MACROH2A1: variants seen among roughly 807,000 people sequenced by gnomAD.
MACROH2A1 encodes core histone macro-H2A.1.
In MACROH2A1, 2 loss-of-function variants were observed where a neutral mutation model predicts 31.6. That is an observed-to-expected ratio of 0.06 (90% confidence interval 0.03 to 0.20). The LOEUF (loss-of-function observed/expected upper bound fraction) is 0.20, where lower values mean the gene tolerates loss of function less well. Ranked by LOEUF, MACROH2A1 falls within the 10% of genes least tolerant of loss-of-function variation. The pLI is 1.00. For missense variants in MACROH2A1, 230 were observed against 474.0 expected, an observed-to-expected ratio of 0.49 and a Z score of 4.78; for synonymous variants, 169 against 189.6, an observed-to-expected ratio of 0.89 and a Z score of 0.89.
Position 135,337,853 on chromosome 5 carries a change from G to A in MACROH2A1, c.954-2712C>T, listed in dbSNP as rs571748906. On this transcript the variant is annotated intron_variant, in intron 8 of 8. Coordinates refer to ENST00000511689, the MANE Select transcript of MACROH2A1 (RefSeq NM_138610.3). ...GTCCCTGGCCTTGCAAGCATTTCAG[G>A]GTTGTTGGTGGGTGAACATGAATCT... 1.2e-4 allele frequency: 85 copies of A among 728,386 alleles called. No homozygotes were observed. The South Asian group carries it at 1.8e-3, about 15-fold the overall frequency. 45.1% of individuals were successfully genotyped at this position (728,386 alleles called of 1,614,324 possible).
chr5:135,359,382 A>G, intron 5 of MACROH2A1: 15 of 984,820 alleles, frequency 1.5e-5, no homozygotes, highest in South Asian at 4.7e-5. Flanking sequence ...TTAAAGGAAC[A>G]AAAAATATTT....
chr5:135,379,904 CTTT>C (rs939112856), intron 2 of MACROH2A1, among the ~76,000 whole-genome samples: 1 of 152,004 alleles, frequency 6.6e-6, no homozygotes, highest in Middle Eastern at 3.4e-3. Flanking sequence ...TCCTCTGTGG[CTTT>C]TTTTTGGCAG....
intron 8 of MACROH2A1, among the ~76,000 whole-genome samples, chr5:135,340,458 C>G (rs1269590884): frequency 1.3e-5 from 2 of 152,136 alleles, no homozygotes; most frequent in Admixed American, 1.3e-4. Flanking sequence ...TATGTACTAC[C>G]CCTCTGGAGA....
chr5:135,342,311 GGATT>G (rs538960998), intron 8 of MACROH2A1, among the ~76,000 whole-genome samples: 74 of 152,298 alleles, frequency 4.9e-4, no homozygotes, highest in African/African-American at 1.7e-3. Context: ...CTGCATGGGG[GGATT>G]ATTATGCCAA....
intron 8 of MACROH2A1, chr5:135,337,901 T>A: frequency 9.4e-7 from 1 of 1,060,962 alleles, no homozygotes; most frequent in Non-Finnish European, 1.2e-6. Context: ...AGGACAACCC[T>A]TTGTTGACAA....
chr5:135,337,422 A>G (rs1334473156), intron 8 of MACROH2A1, among the ~76,000 whole-genome samples: 1 of 152,258 alleles, frequency 6.6e-6, no homozygotes, highest in Non-Finnish European at 1.5e-5. Context: ...GGAACACACC[A>G]AAAGTGTGCC....
In MACROH2A1 at chr5:135,343,337, C is replaced by T; in HGVS notation, c.876G>A (p.Lys292=). The T allele has an allele frequency of 6.2e-7, 1 of 1,614,228 alleles. No homozygotes were observed. Among genetic ancestry groups the T allele is most frequent in the Non-Finnish European group, 8.5e-7 (1 of 1,180,040 alleles). Residue 292 remains lysine (K), a synonymous_variant, in exon 8 of 9, where the codon AAG becomes AAA. Coordinates refer to ENST00000511689, the MANE Select transcript of MACROH2A1 (RefSeq NM_138610.3). ...GADKCEELLE[K]TVKNCLALAD... is the part of the protein sequence containing the mutation. ...CCAGGGCCAAGCAGTTTTTCACTGT[C>T]TTTTCCAGAAGTTCTTCACACTTGT...
upstream of MACROH2A1, chr5:135,399,283 A>C (rs959787323): frequency 4.0e-5 from 6 of 151,258 alleles, no homozygotes; most frequent in Admixed American, 3.9e-4. The surrounding 1 kb of genome is among the most constrained non-coding windows in gnomAD (Gnocchi z 4.5). Flanking sequence ...CGCTCGTCAC[A>C]TCCCTTCGCG....
chr5:135,393,013 G>A (rs1474304228), intron 1 of MACROH2A1, among the ~76,000 whole-genome samples: 1 of 152,240 alleles, frequency 6.6e-6, no homozygotes, highest in Non-Finnish European at 1.5e-5. Flanking sequence ...TCTTCTTGCA[G>A]AACAGATCTT....
chr5:135,351,584 A>G (rs946978201), intron 6 of MACROH2A1: 5 of 48,550 alleles, frequency 1.0e-4, no homozygotes, highest in Admixed American at 3.0e-4. Context: ...TTTTTTTTAC[A>G]GATAGGATCT....
intron 2 of MACROH2A1, 72 bp downstream of exon 2, chr5:135,388,849 GT>G: frequency 1.6e-6 from 2 of 1,257,070 alleles, no homozygotes; most frequent in Non-Finnish European, 2.2e-6. Context: ...AGAAACAAAA[GT>G]GGTCTTTGGA....
intron 4 of MACROH2A1, among the ~76,000 whole-genome samples, chr5:135,367,884 T>A (rs1435664856): frequency 1.3e-5 from 2 of 152,128 alleles, no homozygotes; most frequent in African/African-American, 4.8e-5. Context: ...CCCGCCCTCC[T>A]CCCAAATGCA....
intron 4 of MACROH2A1, among the ~76,000 whole-genome samples, chr5:135,364,697 A>G (rs547914082): frequency 1.6e-4 from 25 of 152,338 alleles, no homozygotes; most frequent in African/African-American, 6.0e-4. Context: ...CTTATGTAAA[A>G]TCATCACCCC....
At chr5:135,335,545 T>G (rs1224275814) in intron 8 of MACROH2A1, among the ~76,000 whole-genome samples, 1 of 152,048 alleles carries the variant, frequency 6.6e-6, no homozygotes, top group African/African-American at 2.4e-5. Context: ...TGGCTGCAGG[T>G]TCTCTGGGAA....
At chr5:135,387,487 C>T (rs1033843026) in intron 2 of MACROH2A1, among the ~76,000 whole-genome samples, 5 of 152,140 alleles carry the variant, frequency 3.3e-5, no homozygotes, top group Admixed American at 2.6e-4. Context: ...CTGGTTGTAT[C>T]GCTTTGGGAG....
intron 2 of MACROH2A1, among the ~76,000 whole-genome samples, chr5:135,377,965 TAGCTCCTG>T: frequency 6.6e-6 from 1 of 152,328 alleles, no homozygotes; most frequent in Non-Finnish European, 1.5e-5. Flanking sequence ...GAGGGCACTA[TAGCTCCTG>T]AGGTCTTTAC....
At chr5:135,372,810 G>A (rs981899657) in intron 2 of MACROH2A1, among the ~76,000 whole-genome samples, 1 of 152,208 alleles carries the variant, frequency 6.6e-6, no homozygotes, top group Non-Finnish European at 1.5e-5. Flanking sequence ...CGGCAGGAAG[G>A]CCTGAGAGGC....
chr5:135,358,976 CAG>C, intron 5 of MACROH2A1: 1 of 985,378 alleles, frequency 1.0e-6, no homozygotes, highest in Non-Finnish European at 1.2e-6. Context: ...AAACAGAGCC[CAG>C]AGGAGGCCGT....
At chr5:135,343,116 A>G in intron 8 of MACROH2A1, 144 bp downstream of exon 8, 1 of 1,555,418 alleles carries the variant, frequency 6.4e-7, no homozygotes, top group East Asian at 2.3e-5. Context: ...TAATGTCTGC[A>G]TTCTTCCCTG....
Sources: allele counts gnomAD v4.1 joint callset (sites outside exome capture counted in the v4.1 genomes callset), GRCh38; gene constraint gnomAD v4.1.1; non-coding constraint Gnocchi (gnomAD v3.1); transcripts MANE v1.5; gene names NCBI Gene and HGNC (gene_info 2026-07-23, HGNC 2026-07-21).